Variants in SH3TC1 observed in about 807,000 individuals in gnomAD.
SH3TC1 encodes the protein SH3 domain and tetratricopeptide repeat-containing protein 1.
Under a neutral mutation model 117.3 loss-of-function variants are expected in SH3TC1, and 135 were observed. That is an observed-to-expected ratio of 1.15 (90% CI 1.00 to 1.33). The LOEUF (loss-of-function observed/expected upper bound fraction) is 1.33. Ranked by LOEUF, SH3TC1 falls within the 40% of genes most tolerant of loss-of-function variation. The probability of loss-of-function intolerance (pLI) is 0.00; values close to 1 mark genes in which losing one functional copy is unlikely to be tolerated. For missense variants in SH3TC1, 2,092 were observed against 1,794.3 expected, an observed-to-expected ratio of 1.17 and a Z score of -3.00; for synonymous variants, 898 against 816.9, an observed-to-expected ratio of 1.10 and a Z score of -1.69.
rs151325767 is a variant in SH3TC1, at chr4:8,237,622, C to G, written c.3705C>G (p.Tyr1235Ter). The stretch of plus-strand genomic sequence containing the variant: ...AGTTTGACGAGGAGACCCTCTACTA[C>G]GTGAAGGTGTACCTGGTGCTCGGTG... ...PLEFDEETLYYVKVYLVLGDI... is the reference protein window; with the variant it reads ...PLEFDEETLY The change falls in exon 17 of 18, where the codon TAC becomes TAG. Residue 1235 changes from tyrosine (Y) to a stop codon, truncating the protein, a stop_gained. Transcript: ENST00000245105. LOFTEE classifies it low-confidence loss of function (END_TRUNC). 52 of 1,611,536 alleles carry G rather than the reference C, an allele frequency of 3.2e-5. No individual in the cohort carries two copies. The highest frequency in any genetic ancestry group is 8.4e-5 in the Admixed American group (5 of 59,768).
chr4:8,240,565 G>A lies in SH3TC1; in HGVS notation c.3754-133G>A, dbSNP rs573240684. ...ACCTCCTGCAGCTGAGCCCACAGCA[G>A]TGTCACAGGCTTCGGGGCTCATGGG... On this transcript the variant is annotated intron_variant, in intron 17 of 17. Transcript: ENST00000245105. 6.4e-6 allele frequency: 9 copies of A among 1,408,612 alleles called. No homozygotes were observed. In the East Asian group the frequency reaches 1.1e-4, roughly 18 times the overall value. The allele number at this position is 1,408,612 out of a possible 1,614,324, so 87.3% of individuals were successfully genotyped here. A position where few individuals can be genotyped will look rare whatever the true frequency, so the allele number is the denominator to read the frequency against.
chr4:8,216,022 A>G, intron 5 of SH3TC1, 89 bp from the exon 6 acceptor site: 1 of 1,504,038 alleles, frequency 6.6e-7, no homozygotes, highest in South Asian at 1.3e-5. Context: ...TGGTCAGTGC[A>G]GGGCTCAGCC....
chr4:8,238,650 C>G (rs1364810750), intron 17 of SH3TC1, among the ~76,000 whole-genome samples: 1 of 152,058 alleles, frequency 6.6e-6, no homozygotes, highest in Non-Finnish European at 1.5e-5. Context: ...CAGAAGCGGT[C>G]CCTGTGGCCT....
Position 8,214,396 on chromosome 4 carries a change from T to C in SH3TC1, c.376-79T>C, listed in dbSNP as rs1349698399. On this transcript the variant is annotated intron_variant, in intron 4 of 17. Coordinates refer to ENST00000245105, the MANE Select transcript of SH3TC1 (RefSeq NM_018986.5). ...CGGGGCCACATCTGCAAGATGTCTC[T>C]GTCATGTGGACGCTGTCCTCCTGAC... 18 of 1,343,362 alleles carry C rather than the reference T, an allele frequency of 1.3e-5. No individual in the cohort carries two copies. The East Asian group carries it at 3.7e-4, about 28-fold the overall frequency. 83.2% of individuals were successfully genotyped at this position (1,343,362 alleles called of 1,614,324 possible).
chr4:8,232,597 T>G, intron 13 of SH3TC1: 2 of 1,348,018 alleles, frequency 1.5e-6, no homozygotes, highest in East Asian at 4.6e-5. Flanking sequence ...TGTCACCTGC[T>G]TCCCTGGGGC....
chr4:8,230,805 CAG>C (rs1721126276), intron 12 of SH3TC1, among the ~76,000 whole-genome samples: 1 of 116,994 alleles, frequency 8.5e-6, no homozygotes, highest in Non-Finnish European at 1.7e-5. Flanking sequence ...TTTTTTTAGA[CAG>C]AGTTTTGCTC....
chr4:8,226,967 T>C lies in SH3TC1; in HGVS notation c.1286-13T>C. The C allele has an allele frequency of 6.6e-7, 1 of 1,523,444 alleles. No homozygotes were observed. Among genetic ancestry groups the C allele is most frequent in the Non-Finnish European group, 8.8e-7 (1 of 1,134,154 alleles). 94.4% of individuals were successfully genotyped at this position (1,523,444 alleles called of 1,614,324 possible). A position where few individuals can be genotyped will look rare whatever the true frequency, so the allele number is the denominator to read the frequency against. On this transcript the variant is annotated splice_polypyrimidine_tract_variant and intron_variant, in intron 11 of 17. Transcript: ENST00000245105. ...TGGACTCTAATCTGTCTAGGTGTTT[T>C]TGTGACTTGCAGAAATACCTCCACC...
At chr4:8,216,906 C>T (rs1019417285) in intron 6 of SH3TC1, 51 bp from the exon 7 acceptor site, 1 of 1,584,516 alleles carries the variant, frequency 6.3e-7, no homozygotes, top group Admixed American at 1.7e-5. Context: ...GGCAGGGCCA[C>T]AGCTGCGCCC....
chr4:8,209,732 A>G lies in SH3TC1; in HGVS notation c.173-16A>G. The G allele has an allele frequency of 6.2e-7, 1 of 1,613,656 alleles. No homozygotes were observed. The highest frequency in any genetic ancestry group is 8.5e-7 in the Non-Finnish European group (1 of 1,179,958). ...TGCTTGGTCTCCCCTAATCCTGGGA[A>G]CCTGCTGTGTTGCAGACGAGGCTCC... On this transcript the variant is annotated splice_polypyrimidine_tract_variant and intron_variant, in intron 2 of 17. Transcript: ENST00000245105. This position sits in a 1 kb window ranked among gnomAD's most constrained non-coding sequence, Gnocchi z 5.9.
At chr4:8,215,633 G>A (rs1053283496) in intron 5 of SH3TC1, among the ~76,000 whole-genome samples, 4 of 152,170 alleles carry the variant, frequency 2.6e-5, no homozygotes, top group African/African-American at 7.2e-5. Flanking sequence ...GTTCAGCTGC[G>A]GTGAACGAAG....
At position 8,228,351 on chromosome 4, in the gene SH3TC1, A is replaced by AC. The variant is rs773483489; in HGVS notation, c.2658dup (p.Tyr887LeufsTer125). The AC allele has an allele frequency of 2.5e-6, 4 of 1,611,840 alleles. No homozygotes were observed. The Admixed American group carries it at 6.7e-5, about 27-fold the overall frequency. On this transcript the variant is annotated frameshift_variant, in exon 12 of 18. Transcript: ENST00000245105. LOFTEE classifies it high-confidence loss of function. ...CGGACGAGGCAGGCAGCTGAGAGCT[A>AC]CTACCGCGCCCTGCGGGTGGCTCGG...
rs376174704 is a variant in SH3TC1 at position 8,192,447 on chromosome 4, CTTTATTTTATTTTATTTTAT to C, written c.-57+10270_-57+10289del. On this transcript the variant is annotated intron_variant, in intron 1 of 16. Coordinates refer to the SH3TC1 transcript ENST00000508641. The surrounding 1 kb of genome is among the most constrained non-coding windows in gnomAD (Gnocchi z 4.1). Reference sequence around the variant, plus strand: ...ACAATCTTCTTATCCAACCACTTGTCTTTATTTTATTTTATTTTATTTTATTTTATTTTATTTTATTTTAT... The same window carrying C: ...ACAATCTTCTTATCCAACCACTTGTCTTTATTTTATTTTATTTTATTTTAT... Among the ~76,000 whole-genome samples, 3,572 of 138,444 alleles carry C rather than the reference CTTTATTTTATTTTATTTTAT, an allele frequency of 0.026. 155 individuals carry two copies. Among genetic ancestry groups the C allele is most frequent in the African/African-American group, 0.091 (3,372 of 37,076 alleles). The allele number at this position is 138,444 out of a possible 152,430, so 90.8% of individuals were successfully genotyped here.
At chr4:8,235,411 G>C in intron 14 of SH3TC1, 22 bp from the exon 15 acceptor site, 1 of 1,470,536 alleles carries the variant, frequency 6.8e-7, no homozygotes. Flanking sequence ...TGGGTCTTGA[G>C]GGAACTTCTG....
chr4:8,190,893 C>T lies in SH3TC1; in HGVS notation c.-57+8683C>T, dbSNP rs770062060. Among the ~76,000 whole-genome samples the T allele has an allele frequency of 6.6e-6, 1 of 151,972 alleles. No homozygotes were observed. The highest frequency in any genetic ancestry group is 1.5e-5 in the Non-Finnish European group (1 of 67,958). On this transcript the variant is annotated intron_variant, in intron 1 of 16. Transcript: ENST00000508641. The surrounding 1 kb of genome is among the most constrained non-coding windows in gnomAD (Gnocchi z 4.7). ...CTGGACTCAAGCGATCCTCCTGCCT[C>T]GGCCTCCTAAAGTGCTAGGATTACA...
rs80347691 is a variant in SH3TC1, at chr4:8,224,059, C to A, written c.1243+1089C>A. On this transcript the variant is annotated intron_variant, in intron 10 of 17. Transcript: ENST00000245105. ...CTCACAAGTATACACACACACACAC[C>A]CACCCATGCAGACATGTGTGCACAT... is the stretch of plus-strand genomic sequence containing the variant. 4.2e-3 allele frequency among the ~76,000 whole-genome samples: 587 copies of A among 138,758 alleles called. 14 individuals are homozygous for A. The highest frequency in any genetic ancestry group is 0.026 in the East Asian group (116 of 4,532). 91.0% of individuals were successfully genotyped at this position (138,758 alleles called of 152,430 possible). A position where few individuals can be genotyped will look rare whatever the true frequency, so the allele number is the denominator to read the frequency against.
intron 1 of SH3TC1, among the ~76,000 whole-genome samples, chr4:8,185,384 G>GTTCAATGTC (rs1427645415): frequency 2.0e-5 from 3 of 151,990 alleles, no homozygotes; most frequent in African/African-American, 7.2e-5. Flanking sequence ...GTGCTGTAAA[G>GTTCAATGTC]TTCAATGTCT....
intron 17 of SH3TC1, among the ~76,000 whole-genome samples, chr4:8,238,489 G>A (rs914150618): frequency 2.0e-5 from 3 of 152,208 alleles, no homozygotes; most frequent in Middle Eastern, 3.2e-3. Context: ...GGGCTGGGGG[G>A]CCAGGGCGCT....
chr4:8,233,230 G>T, intron 13 of SH3TC1, 133 bp from the exon 14 acceptor site: 1 of 1,438,928 alleles, frequency 6.9e-7, no homozygotes, highest in Non-Finnish European at 9.1e-7. Context: ...CCCGGGAAGG[G>T]CAGGACACTG....
chr4:8,207,948 C>T (rs1328745963), intron 2 of SH3TC1, among the ~76,000 whole-genome samples: 1 of 152,178 alleles, frequency 6.6e-6, no homozygotes, highest in Admixed American at 6.5e-5. Flanking sequence ...GAAGAGGAGA[C>T]CCAGAGCCAG....
Sources: allele counts gnomAD v4.1 joint callset (sites outside exome capture counted in the v4.1 genomes callset), GRCh38; gene constraint gnomAD v4.1.1; non-coding constraint Gnocchi (gnomAD v3.1); transcripts MANE v1.5; gene names NCBI Gene and HGNC (gene_info 2026-07-23, HGNC 2026-07-21).